The following KCND2 variants were observed in gnomAD, a reference collection of about 807,000 sequenced individuals.
KCND2 encodes potassium voltage-gated channel subfamily D member 2, also known as A-type voltage-gated potassium channel KCND2.
A neutral mutation model predicts 54.4 loss-of-function variants in KCND2; 16 were observed. That is an observed-to-expected ratio of 0.29 (90% CI 0.20 to 0.45). The LOEUF (loss-of-function observed/expected upper bound fraction) is 0.45, where lower values mean the gene tolerates loss of function less well. Among genes scored for constraint, KCND2 ranks in the 20% least tolerant of loss-of-function variants. The pLI, the probability that KCND2 is intolerant of heterozygous loss-of-function variation, is 1.00. For missense variants in KCND2, 486 were observed against 824.2 expected, an observed-to-expected ratio of 0.59 and a Z score of 5.02; for synonymous variants, 317 against 310.7, an observed-to-expected ratio of 1.02 and a Z score of -0.21.
Position 120,483,361 on chromosome 7 carries a change from T to G in KCND2, c.1115+207614T>G, listed in dbSNP as rs117495405. Reference sequence around the variant, plus strand: ...CAGAATGACATCCAGGAAGAAAAGCTCAATAGGCAACTGAATGGGAATCTG... The same window carrying G: ...CAGAATGACATCCAGGAAGAAAAGCGCAATAGGCAACTGAATGGGAATCTG... On this transcript the variant is annotated intron_variant, in intron 1 of 5. Transcript: ENST00000331113. Among the ~76,000 whole-genome samples, 423 of 152,264 alleles carry G rather than the reference T, an allele frequency of 2.8e-3. 1 individual carries two copies. Among genetic ancestry groups the G allele is most frequent in the Non-Finnish European group, 5.2e-3 (352 of 68,026 alleles).
chr7:120,582,355 T>C (rs1250892050), intron 1 of KCND2, among the ~76,000 whole-genome samples: 3 of 152,188 alleles, frequency 2.0e-5, no homozygotes, highest in Non-Finnish European at 4.4e-5. Flanking sequence ...CTCTCCTTTT[T>C]TTTGACCATT....
chr7:120,706,373 C>G (rs1001663726), intron 1 of KCND2, among the ~76,000 whole-genome samples: 5 of 152,144 alleles, frequency 3.3e-5, no homozygotes, highest in Admixed American at 6.6e-5. Context: ...TCCCTCAGTT[C>G]TGGATGCTGG....
At chr7:120,361,785 T>G (rs1800595910) in intron 1 of KCND2, among the ~76,000 whole-genome samples, 1 of 152,100 alleles carries the variant, frequency 6.6e-6, no homozygotes, top group Non-Finnish European at 1.5e-5. Flanking sequence ...TGAGAGAACG[T>G]GGTTGAAAGT....
At chr7:120,615,228 C>T (rs1269721741) in intron 1 of KCND2, among the ~76,000 whole-genome samples, 2 of 152,078 alleles carry the variant, frequency 1.3e-5, no homozygotes, top group African/African-American at 4.8e-5. Context: ...GAAATCTGTA[C>T]ACAGAAGGAA....
intron 1 of KCND2, among the ~76,000 whole-genome samples, chr7:120,685,506 G>T (rs1057281908): frequency 1.3e-5 from 2 of 152,012 alleles, no homozygotes; most frequent in African/African-American, 4.8e-5. Context: ...GGCAAAATTT[G>T]GTACTCTGAG....
chr7:120,436,710 C>T (rs1251071248), intron 1 of KCND2, among the ~76,000 whole-genome samples: 2 of 152,124 alleles, frequency 1.3e-5, no homozygotes, highest in African/African-American at 4.8e-5. Context: ...GCTCTGTGGT[C>T]ACTGGTCCTT....
chr7:120,517,901 A>G (rs958886655), intron 1 of KCND2, among the ~76,000 whole-genome samples: 1 of 152,156 alleles, frequency 6.6e-6, no homozygotes, highest in Non-Finnish European at 1.5e-5. Context: ...TTACACTGGC[A>G]TGTACCAGAT....
At chr7:120,632,825 C>T (rs1793254426) in intron 1 of KCND2, among the ~76,000 whole-genome samples, 1 of 152,098 alleles carries the variant, frequency 6.6e-6, no homozygotes, top group Non-Finnish European at 1.5e-5. Flanking sequence ...TCAGAGGTAG[C>T]TTTTGAGCTT....
intron 1 of KCND2, among the ~76,000 whole-genome samples, chr7:120,298,924 G>A (rs1799547866): frequency 2.6e-5 from 4 of 152,134 alleles, no homozygotes; most frequent in Admixed American, 2.0e-4. Context: ...TTGGAAGGCC[G>A]AGGTGGGTGG....
chr7:120,630,493 A>G (rs761912333), intron 1 of KCND2, among the ~76,000 whole-genome samples: 4 of 152,186 alleles, frequency 2.6e-5, no homozygotes, highest in Non-Finnish European at 5.9e-5. Flanking sequence ...TATATATGGT[A>G]CAGAAACTGT....
intron 1 of KCND2, among the ~76,000 whole-genome samples, chr7:120,432,238 T>C (rs1801801395): frequency 6.6e-6 from 1 of 152,202 alleles, no homozygotes; most frequent in Non-Finnish European, 1.5e-5. Flanking sequence ...TCAAGACATA[T>C]TCTAGTGTAC....
At chr7:120,578,942 G>A (rs10275623) in intron 1 of KCND2, among the ~76,000 whole-genome samples, 19,386 of 147,976 alleles carry the variant, frequency 0.13, 2,113 homozygotes, top group African/African-American at 0.32. Context: ...ACACACACAC[G>A]CACACAAAGA....
chr7:120,741,472 A>G, intron 2 of KCND2, 62 bp from the exon 3 acceptor site: 1 of 1,114,524 alleles, frequency 9.0e-7, no homozygotes, highest in Non-Finnish European at 1.4e-6. Flanking sequence ...ACAAGGGTTC[A>G]TTCACTGTTT....
intron 1 of KCND2, among the ~76,000 whole-genome samples, chr7:120,665,088 C>T (rs181582654): frequency 6.6e-6 from 1 of 152,070 alleles, no homozygotes; most frequent in East Asian, 1.9e-4. Context: ...ATTATTTTTC[C>T]AGAAAAGTGC....
chr7:120,426,906 C>T (rs1451242364), intron 1 of KCND2, among the ~76,000 whole-genome samples: 1 of 152,128 alleles, frequency 6.6e-6, no homozygotes, highest in Non-Finnish European at 1.5e-5. Context: ...AGGCATGAGC[C>T]ACCGCGCCCG....
chr7:120,622,689 A>ACACT (rs1196336587), intron 1 of KCND2, among the ~76,000 whole-genome samples: 20 of 125,946 alleles, frequency 1.6e-4, no homozygotes, highest in Admixed American at 9.7e-4. Flanking sequence ...ACACACACAC[A>ACACT]CTCTCTCTCT....
chr7:120,450,151 G>A lies in KCND2; in HGVS notation c.1115+174404G>A, dbSNP rs1226025797. ...GTTTTCACCGGGCACAGTGGCTCAC[G>A]CCTGTAATCCCAGCACTTTTTGAGG... On this transcript the variant is annotated intron_variant, in intron 1 of 5. Transcript: ENST00000331113. Among the ~76,000 whole-genome samples, 5 of 152,160 alleles carry A rather than the reference G, an allele frequency of 3.3e-5. No individual in the cohort carries two copies. The East Asian group carries it at 7.7e-4, about 24-fold the overall frequency.
intron 1 of KCND2, among the ~76,000 whole-genome samples, chr7:120,357,936 C>T (rs961242235): frequency 1.3e-5 from 2 of 152,052 alleles, no homozygotes; most frequent in African/African-American, 4.8e-5. Flanking sequence ...GCAGCTTCAT[C>T]ATATGAAGTT....
At chr7:120,667,859 T>C (rs2116568823) in intron 1 of KCND2, among the ~76,000 whole-genome samples, 1 of 152,108 alleles carries the variant, frequency 6.6e-6, no homozygotes, top group South Asian at 2.1e-4. Context: ...CAGGTTTTTT[T>C]CCCTCACAAG....
Sources: gnomAD v4.1 joint callset for allele counts (sites outside exome capture counted in the v4.1 genomes callset) on GRCh38, gnomAD v4.1.1 for gene constraint, MANE v1.5 for transcripts, NCBI Gene and HGNC (gene_info 2026-07-23, HGNC 2026-07-21) for gene names.